Variants in PINK1 observed in about 807,000 individuals in gnomAD.
PINK1 encodes PTEN induced kinase 1.
A neutral mutation model predicts 56.0 loss-of-function variants in PINK1; 58 were observed. The ratio of observed to expected loss-of-function variants is 1.04; its 90% CI spans 0.84 to 1.29. The LOEUF is 1.29. Among genes scored for constraint, PINK1 ranks in the 50% most tolerant of loss-of-function variants. PINK1 has a pLI of 0.00. For missense variants in PINK1, 745 were observed against 777.9 expected (o/e 0.96, Z 0.50); for synonymous variants, 354 against 339.3 (o/e 1.04, Z -0.48).
At position 20,645,615 on chromosome 1, in the gene PINK1, G is replaced by A. The variant is rs55831733; in HGVS notation, c.1015G>A (p.Ala339Thr). The change falls in exon 5 of 8, where the codon GCC becomes ACC. Residue 339 changes from alanine (A) to threonine (T), a missense_variant. By Grantham distance (58) the Ala-to-Thr change is moderately conservative. Coordinates refer to ENST00000321556, the MANE Select transcript of PINK1 (RefSeq NM_032409.3). ...LCVNTPSPRL[A>T]AMMLLQLLEG... ...TGTGAACACACCCAGCCCCCGCCTC[G>A]CCGCCATGATGCTGCTGCAGCTGCT... The A allele has an allele frequency of 1.3e-3, 2,157 of 1,613,680 alleles. 3 individuals are homozygous for A. Among genetic ancestry groups the A allele is most frequent in the Non-Finnish European group, 1.7e-3 (1,989 of 1,179,946 alleles).
chr1:20,638,665 A>T (rs1448341244), intron 2 of PINK1: 1 of 202,572 alleles, frequency 4.9e-6, no homozygotes, highest in African/African-American at 2.4e-5. Context: ...CAAACAAAAA[A>T]AACCCAAAGG....
chr1:20,649,346 G>A, intron 7 of PINK1, 115 bp downstream of exon 7: 2 of 1,128,156 alleles, frequency 1.8e-6, no homozygotes, highest in Non-Finnish European at 2.6e-6. Context: ...GTGTTAGGAA[G>A]GTAAAGGCTA....
Position 20,648,559 on chromosome 1 carries a change from G to C in PINK1, c.1178G>C (p.Ser393Thr), listed in dbSNP as rs368939214. Reference protein sequence around the residue: ...ADFGCCLADESIGLQLPFSSW... With the variant: ...ADFGCCLADETIGLQLPFSSW... ...TTTGGCTGCTGCCTGGCTGATGAGAGCATCGGCCTGCAGTTGCCCTTCAGC... is the reference window on the plus strand; with the variant it reads ...TTTGGCTGCTGCCTGGCTGATGAGACCATCGGCCTGCAGTTGCCCTTCAGC... The change falls in exon 6 of 8, where the codon AGC becomes ACC. Residue 393 changes from serine (S) to threonine (T), a missense_variant. Physicochemically the swap from Ser to Thr is moderately conservative, Grantham distance 58. Coordinates refer to ENST00000321556, the MANE Select transcript of PINK1 (RefSeq NM_032409.3). The C allele has an allele frequency of 8.1e-6, 13 of 1,614,052 alleles. No homozygotes were observed. Among genetic ancestry groups the C allele is most frequent in the Non-Finnish European group, 1.1e-5 (13 of 1,180,042 alleles).
At chr1:20,642,275 A>G (rs2053123972) in intron 3 of PINK1, among the ~76,000 whole-genome samples, 1 of 152,198 alleles carries the variant, frequency 6.6e-6, no homozygotes, top group African/African-American at 2.4e-5. Flanking sequence ...TTTTTGAGAA[A>G]AGCCAAGCTT....
intron 5 of PINK1, among the ~76,000 whole-genome samples, chr1:20,647,505 C>G (rs1557565869): frequency 8.1e-6 from 1 of 123,194 alleles, no homozygotes; most frequent in African/African-American, 3.1e-5. Flanking sequence ...GAGTCTCACT[C>G]TGTCGCCCAG....
At chr1:20,635,391 C>G (rs898831559) in intron 1 of PINK1, among the ~76,000 whole-genome samples, 2 of 152,008 alleles carry the variant, frequency 1.3e-5, no homozygotes, top group Non-Finnish European at 2.9e-5. Context: ...ATCCCAGCTA[C>G]TTGGGAGACT....
In PINK1 at chr1:20,649,448, T is replaced by C. The variant is rs533697960; in HGVS notation, c.1488+217T>C. On this transcript the variant is annotated intron_variant, in intron 7 of 7. Coordinates refer to ENST00000321556, the MANE Select transcript of PINK1 (RefSeq NM_032409.3). ...GTCAGAATCCTAGCAGTTCAACTCC[T>C]GTGGCTTTTTTAGTTGCTGAAAAAG... The C allele has an allele frequency of 6.2e-5, 36 of 577,140 alleles. No homozygotes were observed. The East Asian group carries it at 1.0e-3, about 16-fold the overall frequency. 35.8% of individuals were successfully genotyped at this position (577,140 alleles called of 1,614,324 possible).
chr1:20,647,250 G>C (rs1442351059), intron 5 of PINK1, among the ~76,000 whole-genome samples: 4 of 151,466 alleles, frequency 2.6e-5, no homozygotes, highest in Admixed American at 1.3e-4. Flanking sequence ...GTACAGACGG[G>C]GTTTCACCAT....
rs139226733 is a variant in PINK1, at chr1:20,644,665, A to T, written c.952A>T (p.Met318Leu). 1,189 of 1,614,172 alleles carry T rather than the reference A, an allele frequency of 7.4e-4. 1 individual carries two copies. Among genetic ancestry groups the T allele is most frequent in the Non-Finnish European group, 8.0e-4 (942 of 1,180,028 alleles). The change falls in exon 4 of 8, where the codon ATG becomes TTG. Residue 318 changes from methionine to leucine, a missense_variant. Transcript: ENST00000321556. Reference sequence around the variant, plus strand: ...CCATGGCCGGACGCTGTTCCTCGTTATGAAGAAGTAAGTGACAGCAGCGCG... The same window carrying T: ...CCATGGCCGGACGCTGTTCCTCGTTTTGAAGAAGTAAGTGACAGCAGCGCG... ...LGHGRTLFLVMKNYPCTLRQY... is the reference protein window; with the variant it reads ...LGHGRTLFLVLKNYPCTLRQY...
intron 1 of PINK1, among the ~76,000 whole-genome samples, chr1:20,634,676 G>C (rs1280936627): frequency 6.6e-6 from 1 of 152,240 alleles, no homozygotes; most frequent in Non-Finnish European, 1.5e-5. Context: ...CCGCAGAGTA[G>C]GCGGGCAGGC....
In PINK1 at chr1:20,648,515, C is replaced by T. The variant is rs1011308169; in HGVS notation, c.1134C>T (p.Pro378=). 6 of 1,614,186 alleles carry T rather than the reference C, an allele frequency of 3.7e-6. No homozygotes were observed. The Admixed American group carries it at 6.7e-5, about 18-fold the overall frequency. ...CTTGCTCCTTCCCAGACGGCTGCCC[C>T]TGGCTGGTGATCGCAGATTTTGGCT... is the stretch of plus-strand genomic sequence containing the variant. The part of the protein sequence containing the change: ...ILVELDPDGC[P]WLVIADFGCC... The change falls in exon 6 of 8, where the codon CCC becomes CCT. Residue 378 remains proline (P), a synonymous_variant. Coordinates refer to ENST00000321556, the MANE Select transcript of PINK1 (RefSeq NM_032409.3).
chr1:20,647,074 T>TTTTTTG (rs2053192936), intron 5 of PINK1, among the ~76,000 whole-genome samples: 1 of 140,366 alleles, frequency 7.1e-6, no homozygotes, highest in Non-Finnish European at 1.6e-5. Context: ...TTTTTTTTTT[T>TTTTTTG]GAGACTGAGT....
In PINK1 at chr1:20,633,788, G is replaced by T. The variant is rs1346755787; in HGVS notation, c.240G>T (p.Arg80=). 1.1e-5 allele frequency: 18 copies of T among 1,572,444 alleles called. No individual in the cohort carries two copies. Among genetic ancestry groups the T allele is most frequent in the Non-Finnish European group, 1.5e-5 (18 of 1,164,776 alleles). ...AGTCGGTGGCCGGGCTGGCGGCGCGGTTGCAGCGGCAGTTCGTGGTGCGGG... is the reference window on the plus strand; with the variant it reads ...AGTCGGTGGCCGGGCTGGCGGCGCGTTTGCAGCGGCAGTTCGTGGTGCGGG... The part of the protein sequence containing the change: ...FRQSVAGLAA[R]LQRQFVVRAW... Residue 80 remains arginine, a synonymous_variant, in exon 1 of 8, where the codon CGG becomes CGT. Transcript: ENST00000321556.
In PINK1 at chr1:20,649,155, T is replaced by C; in HGVS notation, c.1412T>C (p.Leu471Pro). Residue 471 changes from leucine to proline, a missense_variant, in exon 7 of 8, where the codon CTA (leucine) becomes CCA (proline). Transcript: ENST00000321556. The stretch of plus-strand genomic sequence containing the variant: ...AGCCGCAGCTACCAAGAGGCTCAGC[T>C]ACCTGCACTGCCCGAGTCAGTGCCT... The part of the protein sequence containing the change: ...LESRSYQEAQ[L>P]PALPESVPPD... 1 of 1,614,236 alleles carries C rather than the reference T, an allele frequency of 6.2e-7. No individual in the cohort carries two copies. Among genetic ancestry groups the C allele is most frequent in the Non-Finnish European group, 8.5e-7 (1 of 1,180,050 alleles).
At chr1:20,647,583 G>A (rs776684690) in intron 5 of PINK1, among the ~76,000 whole-genome samples, 5 of 140,380 alleles carry the variant, frequency 3.6e-5, no homozygotes, top group African/African-American at 5.3e-5. Context: ...CAATTCTCCC[G>A]CCTCAGCCTC....
rs1364669661 is a variant in PINK1, at chr1:20,633,617, C to G, written c.69C>G (p.Gly23=). 2 of 1,290,722 alleles carry G rather than the reference C, an allele frequency of 1.5e-6. No homozygotes were observed. The highest frequency in any genetic ancestry group is 4.9e-5 in the South Asian group (2 of 40,488). The allele number at this position is 1,290,722 out of a possible 1,614,324, so 80.0% of individuals were successfully genotyped here. ...GAGCGCTGCTGCTGCGCTTCACGGGCAAGCCCGGCCGGGCCTACGGCTTGG... is the reference window on the plus strand; with the variant it reads ...GAGCGCTGCTGCTGCGCTTCACGGGGAAGCCCGGCCGGGCCTACGGCTTGG... ...LGRALLLRFT[G]KPGRAYGLGR... Residue 23 remains glycine, a synonymous_variant, in exon 1 of 8, where the codon GGC becomes GGG. Coordinates refer to ENST00000321556, the MANE Select transcript of PINK1 (RefSeq NM_032409.3).
intron 1 of PINK1, among the ~76,000 whole-genome samples, chr1:20,634,438 GAA>G (rs1241609895): frequency 6.6e-6 from 1 of 152,188 alleles, no homozygotes; most frequent in Non-Finnish European, 1.5e-5. Context: ...TGAACGGCGA[GAA>G]AAACAGTCCT....
At chr1:20,640,599 AGAG>A (rs2053106150) in intron 3 of PINK1, among the ~76,000 whole-genome samples, 1 of 152,178 alleles carries the variant, frequency 6.6e-6, no homozygotes, top group Admixed American at 6.5e-5. Context: ...TTACTTGGGC[AGAG>A]GAGTAGGGAA....
intron 1 of PINK1, among the ~76,000 whole-genome samples, chr1:20,634,251 A>C (rs1389819431): frequency 6.6e-6 from 1 of 152,158 alleles, no homozygotes; most frequent in African/African-American, 2.4e-5. Context: ...TAACATTCCT[A>C]TCCCTTTGAG....
Sources: gnomAD v4.1 joint callset for allele counts (sites outside exome capture counted in the v4.1 genomes callset) on GRCh38, gnomAD v4.1.1 for gene constraint, MANE v1.5 for transcripts, NCBI Gene and HGNC (gene_info 2026-07-23, HGNC 2026-07-21) for gene names.